TTC33: variants seen among roughly 807,000 people sequenced by gnomAD.
TTC33 encodes the protein tetratricopeptide repeat protein 33.
Under a neutral mutation model 29.4 loss-of-function variants are expected in TTC33, and 24 were observed. That is an observed-to-expected ratio of 0.82 (90% CI 0.59 to 1.15). The LOEUF (loss-of-function observed/expected upper bound fraction) is 1.15, where lower values mean the gene tolerates loss of function less well. Among genes scored for constraint, TTC33 ranks in the 50% most tolerant of loss-of-function variants. The pLI, the probability that TTC33 is intolerant of heterozygous loss-of-function variation, is 0.00. For synonymous variants in TTC33, 107 were observed against 100.3 expected, an observed-to-expected ratio of 1.07 and a Z score of -0.40; for missense variants, 286 against 310.4, an observed-to-expected ratio of 0.92 and a Z score of 0.59.
At position 40,730,277 on chromosome 5, in the gene TTC33, G is replaced by A. The variant is rs1336015965; in HGVS notation, c.288C>T (p.Tyr96=). Residue 96 remains tyrosine, a synonymous_variant, in exon 3 of 5, where the codon TAC becomes TAT. Coordinates refer to ENST00000337702, the MANE Select transcript of TTC33 (RefSeq NM_012382.3). ...LQLTPNDATL[Y]EMKSQVLMSL... ...TAATTATTACCTGTGATTTCATCTC[G>A]TATAGGGTAGCATCATTTGGAGTTA... The A allele has an allele frequency of 1.5e-5, 24 of 1,607,058 alleles. No individual in the cohort carries two copies. The highest frequency in any genetic ancestry group is 4.4e-5 in the South Asian group (4 of 90,092).
chr5:40,739,059 C>T (rs762350866), intron 2 of TTC33, among the ~76,000 whole-genome samples: 7 of 152,158 alleles, frequency 4.6e-5, no homozygotes, highest in Non-Finnish European at 7.4e-5. Context: ...TATCAACTGA[C>T]CACATACATG....
intron 4 of TTC33, among the ~76,000 whole-genome samples, chr5:40,724,808 A>G (rs1027932535): frequency 6.6e-5 from 10 of 152,106 alleles, no homozygotes; most frequent in Admixed American, 5.2e-4. Flanking sequence ...AGCTTGACTC[A>G]AACAATGTCT....
At chr5:40,733,861 T>C (rs973631154) in intron 2 of TTC33, among the ~76,000 whole-genome samples, 4 of 152,214 alleles carry the variant, frequency 2.6e-5, no homozygotes, top group Non-Finnish European at 5.9e-5. Flanking sequence ...AGTTTTTTCT[T>C]TTTATTAGGC....
chr5:40,729,140 C>T (rs3805498), intron 3 of TTC33, among the ~76,000 whole-genome samples: 33,432 of 152,126 alleles, frequency 0.22, 4,361 homozygotes, highest in Admixed American at 0.37. Context: ...AACAAGTCTT[C>T]ATAAAGCTTG....
intron 2 of TTC33, among the ~76,000 whole-genome samples, chr5:40,742,691 AGAAG>A (rs1339495553): frequency 6.6e-6 from 1 of 152,242 alleles, no homozygotes; most frequent in East Asian, 1.9e-4. Flanking sequence ...GATTAAAAAA[AGAAG>A]AAAAAGAATA....
intron 1 of TTC33, among the ~76,000 whole-genome samples, chr5:40,751,860 G>C (rs1354302331): frequency 1.3e-5 from 2 of 151,966 alleles, no homozygotes; most frequent in African/African-American, 2.4e-5. Context: ...GGGAGGCTGA[G>C]GCAGGAGAAT....
intron 2 of TTC33, among the ~76,000 whole-genome samples, chr5:40,741,394 G>A (rs891731670): frequency 5.9e-5 from 9 of 152,244 alleles, no homozygotes; most frequent in Middle Eastern, 3.4e-3. Context: ...ATAGCTCTCC[G>A]CTCTGTATGA....
chr5:40,753,194 G>C (rs1390407752), intron 1 of TTC33, among the ~76,000 whole-genome samples: 1 of 151,898 alleles, frequency 6.6e-6, no homozygotes, highest in South Asian at 2.1e-4. Context: ...GTGAAACCCC[G>C]TCTCTACAAA....
In TTC33 at chr5:40,712,913, G is replaced by C. The variant is rs926841745; in HGVS notation, c.*3232C>G. Reference sequence around the variant, plus strand: ...GCTTTAGGGCCACACTTCTTCTTCCGAAGTAACCATATTTAATTGCAAGTG... The same window carrying C: ...GCTTTAGGGCCACACTTCTTCTTCCCAAGTAACCATATTTAATTGCAAGTG... On this transcript the variant is annotated 3_prime_UTR_variant, in exon 5 of 5. Transcript: ENST00000337702. Among the ~76,000 whole-genome samples the C allele has an allele frequency of 6.6e-6, 1 of 152,092 alleles. No homozygotes were observed. The highest frequency in any genetic ancestry group is 1.5e-5 in the Non-Finnish European group (1 of 68,010).
intron 2 of TTC33, among the ~76,000 whole-genome samples, chr5:40,745,834 A>G (rs1201506199): frequency 1.3e-5 from 2 of 152,004 alleles, no homozygotes; most frequent in Non-Finnish European, 2.9e-5. Flanking sequence ...TCCTGGGCTC[A>G]AGCGATCCTC....
At chr5:40,721,182 A>G (rs2111871454) in intron 4 of TTC33, among the ~76,000 whole-genome samples, 1 of 152,304 alleles carries the variant, frequency 6.6e-6, no homozygotes. Context: ...GTAGTGGAGT[A>G]CTGATGGAAT....
intron 4 of TTC33, among the ~76,000 whole-genome samples, chr5:40,724,806 TCAAA>T (rs1475580964): frequency 1.3e-5 from 2 of 151,864 alleles, no homozygotes; most frequent in Non-Finnish European, 1.5e-5. Flanking sequence ...GCAGCTTGAC[TCAAA>T]CAATGTCTAC....
chr5:40,747,830 C>T (rs55835141), intron 1 of TTC33, among the ~76,000 whole-genome samples: 1 of 150,564 alleles, frequency 6.6e-6, no homozygotes, highest in Non-Finnish European at 1.5e-5. Context: ...GAGAAGAAAA[C>T]TTTTTTTTTT....
chr5:40,752,141 T>C (rs1173214746), intron 1 of TTC33, among the ~76,000 whole-genome samples: 2 of 152,216 alleles, frequency 1.3e-5, no homozygotes, highest in African/African-American at 2.4e-5. Context: ...CTTTGGCAGC[T>C]TCTTCACCTC....
chr5:40,715,553 A>G lies in TTC33; in HGVS notation c.*592T>C, dbSNP rs1188483513. ...CTTCAAAGTCAAAACAGAAACACAA[A>G]TCAGAATTAAGAGAAACTTCAGAAA... is the stretch of plus-strand genomic sequence containing the variant. On this transcript the variant is annotated 3_prime_UTR_variant, in exon 5 of 5. Coordinates refer to ENST00000337702, the MANE Select transcript of TTC33 (RefSeq NM_012382.3). 1 of 152,360 alleles carries G rather than the reference A, an allele frequency of 6.6e-6. No homozygotes were observed. The highest frequency in any genetic ancestry group is 1.5e-5 in the Non-Finnish European group (1 of 68,026). 9.4% of individuals were successfully genotyped at this position (152,360 alleles called of 1,614,324 possible).
chr5:40,739,581 C>G (rs999553119), intron 2 of TTC33, among the ~76,000 whole-genome samples: 1 of 152,170 alleles, frequency 6.6e-6, no homozygotes, highest in East Asian at 1.9e-4. Flanking sequence ...CCCACACTCT[C>G]TCTTCCTCCT....
At chr5:40,722,499 G>A (rs1337156006) in intron 4 of TTC33, among the ~76,000 whole-genome samples, 4 of 150,574 alleles carry the variant, frequency 2.7e-5, no homozygotes, top group Non-Finnish European at 5.9e-5. Context: ...TGGGATGTGG[G>A]GAGCGCCTCT....
At chr5:40,719,458 G>A (rs1247444188) in intron 4 of TTC33, among the ~76,000 whole-genome samples, 2 of 152,158 alleles carry the variant, frequency 1.3e-5, no homozygotes, top group African/African-American at 2.4e-5. Context: ...GTCAGTTGAT[G>A]GCATTTGAGT....
chr5:40,751,191 G>T (rs997301666), intron 1 of TTC33, among the ~76,000 whole-genome samples: 5 of 152,188 alleles, frequency 3.3e-5, no homozygotes, highest in Admixed American at 3.3e-4. Context: ...TTCTTCAATA[G>T]TAAGACTTGA....
Sources: gnomAD v4.1 joint callset for allele counts (sites outside exome capture counted in the v4.1 genomes callset) on GRCh38, gnomAD v4.1.1 for gene constraint, MANE v1.5 for transcripts, NCBI Gene and HGNC (gene_info 2026-07-23, HGNC 2026-07-21) for gene names.